The following MCC variants were observed in gnomAD, a reference collection of about 807,000 sequenced individuals.
MCC encodes the protein MCC regulator of Wnt signaling pathway, also known as colorectal mutant cancer protein.
Under a neutral mutation model 116.2 loss-of-function variants are expected in MCC, and 90 were observed. The observed-to-expected ratio is 0.77, with a 90% CI of 0.65 to 0.92. The LOEUF (loss-of-function observed/expected upper bound fraction) is 0.92, where lower values mean the gene tolerates loss of function less well. Among genes scored for constraint, MCC ranks in the 40% least tolerant of loss-of-function variants. The pLI, the probability that MCC is intolerant of heterozygous loss-of-function variation, is 0.00. For missense variants in MCC, 1,516 were observed against 1,312.2 expected, an observed-to-expected ratio of 1.16 and a Z score of -2.40; for synonymous variants, 578 against 510.5, an observed-to-expected ratio of 1.13 and a Z score of -1.78.
At chr5:113,193,259 C>A (rs76627282) in intron 3 of MCC, among the ~76,000 whole-genome samples, 7,869 of 151,992 alleles carry the variant, frequency 0.052, 247 homozygotes, top group Non-Finnish European at 0.058. Flanking sequence ...TACAGGATAA[C>A]AGCCTCATCT....
chr5:113,363,836 C>G (rs1369157319), intron 2 of MCC, among the ~76,000 whole-genome samples: 1 of 152,124 alleles, frequency 6.6e-6, no homozygotes, highest in Non-Finnish European at 1.5e-5. Context: ...GGCCTTATGC[C>G]TATAATCCCG....
chr5:113,063,943 G>C, intron 14 of MCC, 41 bp downstream of exon 14: 1 of 1,574,866 alleles, frequency 6.3e-7, no homozygotes. Context: ...CAGATGCCAT[G>C]TGGACACACG....
chr5:113,281,266 C>A (rs1352257992), intron 3 of MCC, among the ~76,000 whole-genome samples: 1 of 152,220 alleles, frequency 6.6e-6, no homozygotes, highest in Non-Finnish European at 1.5e-5. Flanking sequence ...TAACCAATTG[C>A]AACTCGTACA....
intron 1 of MCC, among the ~76,000 whole-genome samples, chr5:113,486,799 G>A (rs1397116884): frequency 2.0e-5 from 3 of 150,650 alleles, no homozygotes; most frequent in Non-Finnish European, 4.4e-5. Context: ...CCAAGACCAC[G>A]CCACTGTACT....
chr5:113,441,290 G>T (rs943261418), intron 1 of MCC, among the ~76,000 whole-genome samples: 3 of 152,100 alleles, frequency 2.0e-5, no homozygotes, highest in Non-Finnish European at 4.4e-5. Context: ...AGCCCAGATG[G>T]TGCCACTGCA....
chr5:113,153,379 G>C (rs559719593), intron 3 of MCC, among the ~76,000 whole-genome samples: 1 of 152,250 alleles, frequency 6.6e-6, no homozygotes, highest in South Asian at 2.1e-4. Context: ...CCATGAACTG[G>C]GCCAGATGGA....
chr5:113,174,167 T>C (rs553487231), intron 3 of MCC, among the ~76,000 whole-genome samples: 21 of 152,186 alleles, frequency 1.4e-4, no homozygotes, highest in Admixed American at 4.6e-4. Flanking sequence ...ATTTAGGACA[T>C]TGAGATAGCA....
intron 16 of MCC, 130 bp downstream of exon 16, chr5:113,048,963 G>C (rs998058562): frequency 1.2e-6 from 1 of 812,352 alleles, no homozygotes; most frequent in East Asian, 2.5e-5. Flanking sequence ...AGATACCTAC[G>C]AATGGCCTGC....
At chr5:113,162,657 C>T (rs1760554916) in intron 3 of MCC, among the ~76,000 whole-genome samples, 1 of 152,004 alleles carries the variant, frequency 6.6e-6, no homozygotes, top group Non-Finnish European at 1.5e-5. Flanking sequence ...CCACCACGTC[C>T]AACTAATTTT....
chr5:113,340,791 C>A, intron 2 of MCC, 61 bp from the exon 3 acceptor site: 1 of 1,388,214 alleles, frequency 7.2e-7, no homozygotes, highest in Non-Finnish European at 1.0e-6. Context: ...TGTGGGTGGC[C>A]AATAGGCAAT....
intron 6 of MCC, among the ~76,000 whole-genome samples, chr5:113,117,125 T>C (rs545761468): frequency 6.6e-6 from 1 of 152,360 alleles, no homozygotes; most frequent in Non-Finnish European, 1.5e-5. Flanking sequence ...TGTAAACACA[T>C]TTCTCCAGGT....
rs183415715 is a variant in MCC, at chr5:113,037,127, T to C, written c.2756+6403A>G. ...TTATTTGTTCAGTGGGGGCTCCCTTTTAAAAAGCACCCCACCCACTTCCCT... is the reference window on the plus strand; with the variant it reads ...TTATTTGTTCAGTGGGGGCTCCCTTCTAAAAAGCACCCCACCCACTTCCCT... On this transcript the variant is annotated intron_variant, in intron 17 of 18. Coordinates refer to ENST00000408903, the MANE Select transcript of MCC (RefSeq NM_001085377.2). Among the ~76,000 whole-genome samples the C allele has an allele frequency of 9.6e-4, 147 of 152,368 alleles. 2 individuals carry two copies. In the Middle Eastern group the frequency reaches 0.014, roughly 14 times the overall value.
chr5:113,112,525 A>G (rs1324307594), intron 6 of MCC, among the ~76,000 whole-genome samples: 1 of 152,198 alleles, frequency 6.6e-6, no homozygotes, highest in Non-Finnish European at 1.5e-5. Flanking sequence ...TGCTTCCGGT[A>G]CAGCCTGTGG....
At position 113,032,148 on chromosome 5, in the gene MCC, C is replaced by T. The variant is rs994620431; in HGVS notation, c.2757-3092G>A. On this transcript the variant is annotated intron_variant, in intron 17 of 18. Coordinates refer to ENST00000408903, the MANE Select transcript of MCC (RefSeq NM_001085377.2). ...TACAGGGGCCGGGCGCTGTGGCTCACGCCTGTAATCCCAGCACTTTGGTAG... is the reference window on the plus strand; with the variant it reads ...TACAGGGGCCGGGCGCTGTGGCTCATGCCTGTAATCCCAGCACTTTGGTAG... Among the ~76,000 whole-genome samples the T allele has an allele frequency of 3.3e-5, 5 of 152,282 alleles. No homozygotes were observed. In the East Asian group the frequency reaches 5.8e-4, roughly 18 times the overall value.
At chr5:113,370,288 C>A (rs1422597119) in intron 2 of MCC, among the ~76,000 whole-genome samples, 1 of 152,140 alleles carries the variant, frequency 6.6e-6, no homozygotes, top group African/African-American at 2.4e-5. Context: ...CATGAAGAGG[C>A]GAAGGTTTTT....
At chr5:113,474,060 T>C (rs763874477) in intron 1 of MCC, among the ~76,000 whole-genome samples, 4 of 152,214 alleles carry the variant, frequency 2.6e-5, no homozygotes, top group Non-Finnish European at 4.4e-5. Context: ...AAAATGCACC[T>C]AATATGTATT....
intron 3 of MCC, among the ~76,000 whole-genome samples, chr5:113,288,359 A>C (rs987120277): frequency 6.6e-6 from 1 of 152,228 alleles, no homozygotes; most frequent in Non-Finnish European, 1.5e-5. Context: ...CAAGTATTGT[A>C]ACATCAATCT....
chr5:113,217,061 C>T (rs1474889152), intron 3 of MCC, among the ~76,000 whole-genome samples: 1 of 152,226 alleles, frequency 6.6e-6, no homozygotes, highest in African/African-American at 2.4e-5. Flanking sequence ...GTCGTCTCAG[C>T]TATGTTATAG....
intron 1 of MCC, among the ~76,000 whole-genome samples, chr5:113,397,314 T>A (rs911989916): frequency 6.6e-6 from 1 of 152,194 alleles, no homozygotes; most frequent in Non-Finnish European, 1.5e-5. Context: ...GTTGAGCCCA[T>A]GCATTCGTTC....
Sources: allele counts gnomAD v4.1 joint callset (sites outside exome capture counted in the v4.1 genomes callset), GRCh38; gene constraint gnomAD v4.1.1; transcripts MANE v1.5; gene names NCBI Gene and HGNC (gene_info 2026-07-23, HGNC 2026-07-21).